Variants in CUEDC1 observed in about 807,000 individuals in gnomAD.
CUEDC1 encodes CUE domain-containing protein 1.
CUEDC1 carries 30 observed loss-of-function variants against 43.7 expected under a neutral mutation model. That is an observed-to-expected ratio of 0.69 (90% CI 0.51 to 0.93). The LOEUF (loss-of-function observed/expected upper bound fraction) is 0.93, where lower values mean the gene tolerates loss of function less well. CUEDC1 is among the 40% of genes least tolerant of loss of function. CUEDC1 has a pLI of 0.00. For synonymous variants in CUEDC1, 223 were observed against 223.6 expected, an observed-to-expected ratio of 1.00 and a Z score of 0.02; for missense variants, 486 against 549.0, an observed-to-expected ratio of 0.89 and a Z score of 1.15.
intron 3 of CUEDC1, among the ~76,000 whole-genome samples, chr17:57,875,047 C>T (rs548675906): frequency 6.6e-6 from 1 of 152,228 alleles, no homozygotes; most frequent in South Asian, 2.1e-4. Flanking sequence ...CAACCCGGGA[C>T]TCCCATTCCT....
chr17:57,889,992 G>T (rs1178286331), intron 1 of CUEDC1, among the ~76,000 whole-genome samples: 5 of 152,308 alleles, frequency 3.3e-5, no homozygotes, highest in Middle Eastern at 3.4e-3. Context: ...TACACGAAAG[G>T]ATTAAAGCAA....
At chr17:57,869,303 C>G (rs1182033759) in intron 6 of CUEDC1, 110 bp from the exon 7 acceptor site, 1 of 935,440 alleles carries the variant, frequency 1.1e-6, no homozygotes, top group Non-Finnish European at 1.7e-6. Context: ...GGCTTCTTCC[C>G]TGGCCAGAAG....
At chr17:57,896,825 C>T (rs1311622033) in intron 1 of CUEDC1, among the ~76,000 whole-genome samples, 1 of 130,054 alleles carries the variant, frequency 7.7e-6, no homozygotes, top group Non-Finnish European at 1.5e-5. Context: ...GGCTGGAGTG[C>T]AGTGATGTGA....
rs975725008 is a variant in CUEDC1 at position 57,861,517 on chromosome 17, C to G, written c.*1772G>C. ...TACCCTAGGGATGCGACGCGGGGCTCCTGGGGACAAACCCTGCCCCAGGCC... is the reference window on the plus strand; with the variant it reads ...TACCCTAGGGATGCGACGCGGGGCTGCTGGGGACAAACCCTGCCCCAGGCC... On this transcript the variant is annotated 3_prime_UTR_variant, in exon 11 of 11. Coordinates refer to ENST00000577830, the MANE Select transcript of CUEDC1 (RefSeq NM_001271875.2). The G allele has an allele frequency of 2.0e-5, 3 of 152,334 alleles. No individual in the cohort carries two copies. The highest frequency in any genetic ancestry group is 7.2e-5 in the African/African-American group (3 of 41,426). The allele number at this position is 152,334 out of a possible 1,614,324, so 9.4% of individuals were successfully genotyped here. A position where few individuals can be genotyped will look rare whatever the true frequency, so the allele number is the denominator to read the frequency against.
At chr17:57,898,403 C>T (rs1325761404) in intron 1 of CUEDC1, among the ~76,000 whole-genome samples, 1 of 152,072 alleles carries the variant, frequency 6.6e-6, no homozygotes, top group Non-Finnish European at 1.5e-5. Flanking sequence ...AGCCATGGAG[C>T]GAGTGGTCAG....
At chr17:57,939,143 T>C (rs1244964343) in intron 1 of CUEDC1, among the ~76,000 whole-genome samples, 1 of 151,884 alleles carries the variant, frequency 6.6e-6, no homozygotes, top group Non-Finnish European at 1.5e-5. Context: ...AATTTTTGTA[T>C]TTTAGTAGAG....
intron 1 of CUEDC1, among the ~76,000 whole-genome samples, chr17:57,893,683 G>A (rs2074380108): frequency 6.6e-6 from 1 of 152,344 alleles, no homozygotes; most frequent in Admixed American, 6.5e-5. Flanking sequence ...GGAGAAAAGA[G>A]GCCACTGGAC....
chr17:57,865,604 G>A (rs768195453), intron 10 of CUEDC1, among the ~76,000 whole-genome samples: 27 of 152,290 alleles, frequency 1.8e-4, no homozygotes, highest in Admixed American at 1.2e-3. Context: ...GCCAACTCCT[G>A]GAGGAGGCCT....
chr17:57,873,375 G>A (rs1568029853), intron 4 of CUEDC1, among the ~76,000 whole-genome samples: 1 of 152,180 alleles, frequency 6.6e-6, no homozygotes, highest in Non-Finnish European at 1.5e-5. Flanking sequence ...GCCTCCTTAG[G>A]CTGTCACCTT....
rs1792877485 is a variant in CUEDC1, at chr17:57,954,373, TC to T, written c.-316+851del. ...AAAAAAGGAAAATCTAAACCCTCCC[TC>T]CCCTTAAAACACATTCCGTCTCAGG... On this transcript the variant is annotated intron_variant, in intron 1 of 10. Transcript: ENST00000577830. This position sits in a 1 kb window ranked among gnomAD's most constrained non-coding sequence, Gnocchi z 4.3. Among the ~76,000 whole-genome samples, 1 of 152,094 alleles carries T rather than the reference TC, an allele frequency of 6.6e-6. No homozygotes were observed. The highest frequency in any genetic ancestry group is 2.4e-5 in the African/African-American group (1 of 41,408).
At chr17:57,934,566 A>ACT (rs2074841957) in intron 1 of CUEDC1, among the ~76,000 whole-genome samples, 2 of 128,072 alleles carry the variant, frequency 1.6e-5, no homozygotes, top group Admixed American at 1.5e-4. Flanking sequence ...CTCTAAAAAA[A>ACT]AAAAAAAAAA....
intron 1 of CUEDC1, among the ~76,000 whole-genome samples, chr17:57,944,280 G>A (rs984716545): frequency 6.7e-6 from 1 of 148,428 alleles, no homozygotes; most frequent in East Asian, 2.0e-4. Flanking sequence ...GTGCGATCTC[G>A]GCTCACTGCA....
At chr17:57,880,120 C>T (rs1220293828) in intron 2 of CUEDC1, among the ~76,000 whole-genome samples, 5 of 152,142 alleles carry the variant, frequency 3.3e-5, no homozygotes, top group African/African-American at 1.2e-4. Flanking sequence ...ACTCCAGGTT[C>T]TGGGGATGAT....
intron 10 of CUEDC1, among the ~76,000 whole-genome samples, chr17:57,864,431 T>C (rs2073926721): frequency 6.6e-6 from 1 of 151,690 alleles, no homozygotes; most frequent in Non-Finnish European, 1.5e-5. Context: ...AGAGCCAGTA[T>C]TTAGGGAGTG....
At chr17:57,935,981 C>T (rs2074858140) in intron 1 of CUEDC1, among the ~76,000 whole-genome samples, 1 of 152,252 alleles carries the variant, frequency 6.6e-6, no homozygotes, top group African/African-American at 2.4e-5. Flanking sequence ...TGTTGCTGTC[C>T]TGTCTCCTGG....
At chr17:57,929,927 G>A (rs566907229) in intron 1 of CUEDC1, among the ~76,000 whole-genome samples, 3 of 152,184 alleles carry the variant, frequency 2.0e-5, no homozygotes, top group African/African-American at 7.2e-5. Flanking sequence ...TCAGCCTCCC[G>A]AGTAGCTGGG....
In CUEDC1 at chr17:57,928,425, T is replaced by C. The variant is rs541802565; in HGVS notation, c.-316+26800A>G. ...TTAGCCAGGCGTGGTGGCGGGTGCC[T>C]GTAGTCCCAGCTACTCGGGAGGCTG... On this transcript the variant is annotated intron_variant, in intron 1 of 10. Coordinates refer to ENST00000577830, the MANE Select transcript of CUEDC1 (RefSeq NM_001271875.2). 2.0e-3 allele frequency among the ~76,000 whole-genome samples: 308 copies of C among 151,854 alleles called. 1 individual carries two copies. The highest frequency in any genetic ancestry group is 6.9e-3 in the African/African-American group (287 of 41,370).
Position 57,954,513 on chromosome 17 carries a change from G to C in CUEDC1, c.-316+712C>G, listed in dbSNP as rs2075037109. Among the ~76,000 whole-genome samples the C allele has an allele frequency of 6.6e-6, 1 of 152,172 alleles. No homozygotes were observed. The highest frequency in any genetic ancestry group is 1.5e-5 in the Non-Finnish European group (1 of 68,036). On this transcript the variant is annotated intron_variant, in intron 1 of 10. Coordinates refer to ENST00000577830, the MANE Select transcript of CUEDC1 (RefSeq NM_001271875.2). This position sits in a 1 kb window ranked among gnomAD's most constrained non-coding sequence, Gnocchi z 4.3. ...ACGCGACCGAGAAAAGGAAGAGGGA[G>C]GAATGAATAAACGCTGACACCAGCC... is the stretch of plus-strand genomic sequence containing the variant.
chr17:57,935,378 GACACAC>G (rs146002407), intron 1 of CUEDC1, among the ~76,000 whole-genome samples: 3 of 142,086 alleles, frequency 2.1e-5, no homozygotes, highest in Non-Finnish European at 3.1e-5. Context: ...CCTTCCATTA[GACACAC>G]ACACACACAC....
Sources: allele counts gnomAD v4.1 joint callset (sites outside exome capture counted in the v4.1 genomes callset), GRCh38; gene constraint gnomAD v4.1.1; non-coding constraint Gnocchi (gnomAD v3.1); transcripts MANE v1.5; gene names NCBI Gene and HGNC (gene_info 2026-07-23, HGNC 2026-07-21).